The following SATB2 variants were observed in gnomAD, a reference collection of about 807,000 sequenced individuals.
The protein encoded by SATB2 is SATB homeobox 2.
Under a neutral mutation model 73.4 loss-of-function variants are expected in SATB2, and 1 was observed. The observed-to-expected ratio is 0.01, with a 90% confidence interval of 0.00 to 0.06. The LOEUF is 0.06. SATB2 is among the 10% of genes least tolerant of loss of function. SATB2 has a pLI of 1.00. For missense variants in SATB2, 459 were observed against 945.8 expected (o/e 0.49, Z 6.75); for synonymous variants, 397 against 367.0 (o/e 1.08, Z -0.93).
chr2:199,275,428 G>A (rs551772472), intron 10 of SATB2, among the ~76,000 whole-genome samples: 1 of 152,236 alleles, frequency 6.6e-6, no homozygotes, highest in African/African-American at 2.4e-5. Context: ...GCAGTTCTAA[G>A]AACTTCACAT....
intron 3 of SATB2, among the ~76,000 whole-genome samples, chr2:199,383,415 C>T (rs1288888256): frequency 1.3e-5 from 2 of 152,324 alleles, no homozygotes; most frequent in African/African-American, 2.4e-5. Flanking sequence ...GCTTCTTTTA[C>T]TCCTGACATT....
Position 199,405,560 on chromosome 2 carries a change from T to C in SATB2, c.347-23740A>G, listed in dbSNP as rs1326237632. 2.6e-5 allele frequency among the ~76,000 whole-genome samples: 4 copies of C among 152,118 alleles called. No individual in the cohort carries two copies. In the East Asian group the frequency reaches 7.7e-4, roughly 29 times the overall value. ...AAGGCTGGAGGGCAAATGCAAATGA[T>C]GGGTGGAGAAAAGGAGCTGCATTTT... On this transcript the variant is annotated intron_variant, in intron 3 of 10. Transcript: ENST00000417098.
Position 199,348,717 on chromosome 2 carries a change from G to T in SATB2, c.1157C>A (p.Ala386Glu). Residue 386 changes from alanine (A) to glutamate (E), a missense_variant, in exon 7 of 11, where the codon GCA becomes GAA. Around this residue, in one of 13 missense-constraint regions of SATB2, gnomAD observed 21 missense variants for 92.8 expected, o/e 0.23. Transcript: ENST00000417098. ...TAATTGTACCTGTGTGCGGTTGAATGCCACTCTTGCAAAGACAGCTTGGGA... is the reference window on the plus strand; with the variant it reads ...TAATTGTACCTGTGTGCGGTTGAATTCCACTCTTGCAAAGACAGCTTGGGA... ...SVSQAVFARVAFNRTQGLLSE... is the reference protein window; with the variant it reads ...SVSQAVFARVEFNRTQGLLSE... 1 of 1,576,500 alleles carries T rather than the reference G, an allele frequency of 6.3e-7. No homozygotes were observed. Among genetic ancestry groups the T allele is most frequent in the East Asian group, 2.2e-5 (1 of 44,636 alleles).
intron 2 of SATB2, among the ~76,000 whole-genome samples, chr2:199,437,003 G>C (rs1248210539): frequency 6.6e-6 from 1 of 151,970 alleles, no homozygotes; most frequent in Non-Finnish European, 1.5e-5. Flanking sequence ...TAAGAGTGGG[G>C]AGAATTTAAA....
rs115423065 is a variant in SATB2 at position 199,290,240 on chromosome 2, G to C, written c.1741-17568C>G. On this transcript the variant is annotated intron_variant, in intron 10 of 10. Transcript: ENST00000417098. ...CTGAGTTCTCCAACTCACCAGGTTT[G>C]GGGCAGGCATGCCCCTTTTGTGCTT... is the stretch of plus-strand genomic sequence containing the variant. Among the ~76,000 whole-genome samples the C allele has an allele frequency of 8.7e-3, 1,329 of 152,350 alleles. 20 individuals are homozygous for C. Among genetic ancestry groups the C allele is most frequent in the African/African-American group, 0.03 (1,231 of 41,588 alleles).
chr2:199,342,597 CCT>C (rs992461760), intron 7 of SATB2, among the ~76,000 whole-genome samples: 2 of 152,222 alleles, frequency 1.3e-5, no homozygotes, highest in Admixed American at 6.5e-5. Flanking sequence ...CATTGCATGA[CCT>C]CTAATGTGCT....
At position 199,390,498 on chromosome 2, in the gene SATB2, T is replaced by C. The variant is rs189113538; in HGVS notation, c.347-8678A>G. 2.6e-5 allele frequency among the ~76,000 whole-genome samples: 4 copies of C among 152,300 alleles called. No individual in the cohort carries two copies. In the East Asian group the frequency reaches 7.7e-4, roughly 29 times the overall value. On this transcript the variant is annotated intron_variant, in intron 3 of 10. Transcript: ENST00000417098. ...GAAGCTTCTTTTTTCCTCCTTTCTA[T>C]TCGGAAATACATTTGCATAAAGAGA...
intron 10 of SATB2, among the ~76,000 whole-genome samples, chr2:199,305,583 G>T (rs1425632883): frequency 6.6e-6 from 1 of 152,096 alleles, no homozygotes; most frequent in African/African-American, 2.4e-5. Flanking sequence ...CTATCCATTT[G>T]TCAACTCCAT....
rs781353036 is a variant in SATB2, at chr2:199,381,756, C to T, written c.411G>A (p.Ala137=). The part of the protein sequence containing the change: ...PLSYVTDAPD[A]TVADMLQDVY... ...CATCTTGTAGCATGTCGGCCACTGT[C>T]GCGTCGGGTGCATCTGTCACATAAC... Residue 137 remains alanine, a synonymous_variant, in exon 4 of 11, where the codon GCG becomes GCA. Coordinates refer to ENST00000417098, the MANE Select transcript of SATB2 (RefSeq NM_001172509.2). 39 of 1,614,006 alleles carry T rather than the reference C, an allele frequency of 2.4e-5. No individual in the cohort carries two copies. Among genetic ancestry groups the T allele is most frequent in the Non-Finnish European group, 3.0e-5 (35 of 1,179,988 alleles).
In SATB2 at chr2:199,308,918, T is replaced by C. The variant is rs1490098266; in HGVS notation, c.1582A>G (p.Ser528Gly). 2 of 1,614,156 alleles carry C rather than the reference T, an allele frequency of 1.2e-6. No individual in the cohort carries two copies. The highest frequency in any genetic ancestry group is 1.7e-5 in the Admixed American group (1 of 60,020). Reference sequence around the variant, plus strand: ...TCCCAGAGGGTGCGGTTTTCTGGGCTTGGGTTCTCCTTCCAGCGGAGCAGT... The same window carrying C: ...TCCCAGAGGGTGCGGTTTTCTGGGCCTGGGTTCTCCTTCCAGCGGAGCAGT... ...CELLRWKENP[S>G]PENRTLWENL... Residue 528 changes from serine to glycine, a missense_variant, in exon 10 of 11, where the codon AGC becomes GGC. This residue lies in a region of SATB2 where 74 missense variants were observed against 136.1 expected (regional missense o/e 0.54). Coordinates refer to ENST00000417098, the MANE Select transcript of SATB2 (RefSeq NM_001172509.2). This position sits in a 1 kb window ranked among gnomAD's most constrained non-coding sequence, Gnocchi z 4.6.
chr2:199,332,992 C>G (rs2105800885), intron 7 of SATB2, among the ~76,000 whole-genome samples: 1 of 152,168 alleles, frequency 6.6e-6, no homozygotes, highest in Non-Finnish European at 1.5e-5. Flanking sequence ...CAGTTAAAGT[C>G]ATTACTGACT....
At chr2:199,280,979 A>G (rs1295622803) in intron 10 of SATB2, among the ~76,000 whole-genome samples, 1 of 152,166 alleles carries the variant, frequency 6.6e-6, no homozygotes, top group Non-Finnish European at 1.5e-5. Context: ...GCATCAGGGA[A>G]CCTGCTGACA....
intron 2 of SATB2, 128 bp from the exon 3 acceptor site, chr2:199,433,642 G>C: frequency 2.3e-6 from 2 of 868,650 alleles, no homozygotes; most frequent in Non-Finnish European, 3.8e-6. Context: ...GATTAAACAA[G>C]CCTCTTAGTC....
chr2:199,371,195 A>G (rs1324711191), intron 5 of SATB2, among the ~76,000 whole-genome samples: 2 of 152,272 alleles, frequency 1.3e-5, no homozygotes, highest in South Asian at 2.1e-4. Context: ...GTTATATCTG[A>G]TTATTCCAGT....
Position 199,294,285 on chromosome 2 carries a change from C to T in SATB2, c.1740+14475G>A, listed in dbSNP as rs925028043. Among the ~76,000 whole-genome samples, 3 of 152,246 alleles carry T rather than the reference C, an allele frequency of 2.0e-5. No individual in the cohort carries two copies. The South Asian group carries it at 6.2e-4, about 32-fold the overall frequency. ...ATCATCAAAGTACAGCATGCCACCT[C>T]TACTACATCTGTATTAGGAACTCAA... is the stretch of plus-strand genomic sequence containing the variant. On this transcript the variant is annotated intron_variant, in intron 10 of 10. Coordinates refer to ENST00000417098, the MANE Select transcript of SATB2 (RefSeq NM_001172509.2).
chr2:199,455,864 G>A lies in SATB2; in HGVS notation c.169+5C>T. ...GCTGCGCGCCTCCCTGCTCCGGGCT[G>A]TTACCTCCCACGGCCTTGGCCACGG... On this transcript the variant is annotated splice_donor_5th_base_variant and intron_variant, in intron 2 of 10. Transcript: ENST00000417098. This position sits in a 1 kb window ranked among gnomAD's most constrained non-coding sequence, Gnocchi z 4.1. The A allele has an allele frequency of 6.5e-7, 1 of 1,536,312 alleles. No homozygotes were observed. The highest frequency in any genetic ancestry group is 8.7e-7 in the Non-Finnish European group (1 of 1,147,530).
chr2:199,416,832 C>T (rs1322570109), intron 3 of SATB2, among the ~76,000 whole-genome samples: 1 of 152,024 alleles, frequency 6.6e-6, no homozygotes, highest in Non-Finnish European at 1.5e-5. Flanking sequence ...GTCAGGAGAT[C>T]GAGACCATCC....
chr2:199,292,021 T>C (rs1413671537), intron 10 of SATB2, among the ~76,000 whole-genome samples: 3 of 151,994 alleles, frequency 2.0e-5, no homozygotes, highest in Non-Finnish European at 2.9e-5. Context: ...ACAGATTTAA[T>C]GAGATATTTT....
chr2:199,442,533 A>G (rs1459312201), intron 2 of SATB2, among the ~76,000 whole-genome samples: 1 of 152,210 alleles, frequency 6.6e-6, no homozygotes, highest in Admixed American at 6.5e-5. Flanking sequence ...TAACTACAGA[A>G]AGACAAAATG....
Sources: gnomAD v4.1 joint callset for allele counts (sites outside exome capture counted in the v4.1 genomes callset) on GRCh38, gnomAD v4.1.1 for gene constraint, gnomAD v4.1.1 regional missense constraint, Gnocchi (gnomAD v3.1) non-coding constraint, MANE v1.5 for transcripts, NCBI Gene and HGNC (gene_info 2026-07-23, HGNC 2026-07-21) for gene names.